The following ERC1 variants were observed in gnomAD, a reference collection of about 807,000 sequenced individuals.
ERC1 encodes RAB6 interacting protein 2.
ERC1 carries 56 observed loss-of-function variants against 132.0 expected under a neutral mutation model. That is an observed-to-expected ratio of 0.42 (90% confidence interval 0.34 to 0.53). The LOEUF is 0.53. Among genes scored for constraint, ERC1 ranks in the 20% least tolerant of loss-of-function variants. The pLI is 0.03. For synonymous variants in ERC1, 478 were observed against 476.1 expected, an observed-to-expected ratio of 1.00 and a Z score of -0.05; for missense variants, 1,202 against 1,349.9, an observed-to-expected ratio of 0.89 and a Z score of 1.72.
At chr12:1,133,644 T>C (rs1948985276) in intron 7 of ERC1, among the ~76,000 whole-genome samples, 1 of 152,226 alleles carries the variant, frequency 6.6e-6, no homozygotes, top group African/African-American at 2.4e-5. Context: ...GGACCTTTTT[T>C]TGTTTGCATG....
chr12:1,321,040 C>T (rs933540022), intron 15 of ERC1, among the ~76,000 whole-genome samples: 1 of 152,186 alleles, frequency 6.6e-6, no homozygotes, highest in African/African-American at 2.4e-5. Context: ...AGATGTAAAA[C>T]AGTATGCTAC....
chr12:1,096,754 G>A (rs1397379706), intron 3 of ERC1, among the ~76,000 whole-genome samples: 2 of 152,154 alleles, frequency 1.3e-5, no homozygotes, highest in Non-Finnish European at 2.9e-5. Context: ...TAAAACAGGT[G>A]TATAGTTAAG....
chr12:1,469,297 G>C (rs529260791), intron 18 of ERC1, among the ~76,000 whole-genome samples: 2 of 152,240 alleles, frequency 1.3e-5, no homozygotes, highest in Non-Finnish European at 2.9e-5. Context: ...CATTGGGATC[G>C]TTGGAAAGTG....
At chr12:1,376,584 G>A (rs1012191628) in intron 16 of ERC1, among the ~76,000 whole-genome samples, 5 of 152,196 alleles carry the variant, frequency 3.3e-5, no homozygotes, top group Non-Finnish European at 7.3e-5. Context: ...ATTTGGGGAA[G>A]CGCTTCAGAC....
At chr12:1,455,082 C>T (rs2093502058) in intron 18 of ERC1, among the ~76,000 whole-genome samples, 1 of 152,144 alleles carries the variant, frequency 6.6e-6, no homozygotes, top group South Asian at 2.1e-4. Flanking sequence ...TTATTAAATT[C>T]AGGAGTTTTT....
intron 17 of ERC1, chr12:1,430,270 C>T (rs972504666): frequency 1.3e-5 from 2 of 152,190 alleles, no homozygotes; most frequent in African/African-American, 2.4e-5. Flanking sequence ...AACATCCCTT[C>T]GGCCACATTC....
chr12:1,417,633 TAG>T (rs2092182326), intron 17 of ERC1, among the ~76,000 whole-genome samples: 1 of 151,978 alleles, frequency 6.6e-6, no homozygotes, highest in Non-Finnish European at 1.5e-5. Context: ...ATATAAAAAT[TAG>T]CTGGGTGTGG....
At chr12:1,205,334 A>G (rs1469772373) in intron 12 of ERC1, among the ~76,000 whole-genome samples, 1 of 151,720 alleles carries the variant, frequency 6.6e-6, no homozygotes, top group Middle Eastern at 3.2e-3. Flanking sequence ...TGTTTTACCT[A>G]GCAGCTGCCT....
At chr12:1,335,931 C>T (rs1420953326) in intron 15 of ERC1, among the ~76,000 whole-genome samples, 2 of 152,006 alleles carry the variant, frequency 1.3e-5, no homozygotes, top group Non-Finnish European at 2.9e-5. Flanking sequence ...GTGGCTTCCT[C>T]AATTTCAGAG....
At chr12:1,346,443 C>T (rs188646990) in intron 15 of ERC1, among the ~76,000 whole-genome samples, 2 of 152,286 alleles carry the variant, frequency 1.3e-5, no homozygotes, top group Admixed American at 1.3e-4. Flanking sequence ...TGAATTGCTT[C>T]TGGGCTTAGA....
intron 2 of ERC1, among the ~76,000 whole-genome samples, chr12:1,072,510 C>T (rs1272219845): frequency 6.6e-6 from 1 of 151,988 alleles, no homozygotes; most frequent in Non-Finnish European, 1.5e-5. Flanking sequence ...TTTACAAACA[C>T]ATGTGCAAAA....
intron 12 of ERC1, among the ~76,000 whole-genome samples, chr12:1,200,102 T>A (rs1009634504): frequency 1.3e-5 from 2 of 152,142 alleles, no homozygotes; most frequent in African/African-American, 4.8e-5. Flanking sequence ...TTTGAGTTTT[T>A]AAATTTTCTT....
intron 8 of ERC1, among the ~76,000 whole-genome samples, chr12:1,169,628 G>A (rs113174885): frequency 7.6e-4 from 115 of 152,276 alleles, no homozygotes; most frequent in African/African-American, 2.6e-3. Flanking sequence ...TAGGATATGA[G>A]TGCAAGTCAG....
At chr12:1,097,291 G>A (rs1440002952) in intron 3 of ERC1, among the ~76,000 whole-genome samples, 2 of 152,114 alleles carry the variant, frequency 1.3e-5, no homozygotes, top group East Asian at 3.8e-4. Context: ...TCTGGATTTT[G>A]GTACCTTCCT....
At chr12:1,080,374 A>C (rs1256587123) in intron 2 of ERC1, among the ~76,000 whole-genome samples, 1 of 152,090 alleles carries the variant, frequency 6.6e-6, no homozygotes, top group Non-Finnish European at 1.5e-5. Context: ...GGATACATAT[A>C]GTGTTTGTCT....
intron 1 of ERC1, among the ~76,000 whole-genome samples, chr12:997,045 A>G (rs568791054): frequency 6.4e-4 from 97 of 152,328 alleles, no homozygotes; most frequent in Non-Finnish European, 1.2e-3. Flanking sequence ...CAGCCTCCAG[A>G]GTAGCTGGGA....
rs78177900 is a variant in ERC1 at position 1,127,975 on chromosome 12, A to G, written c.1569+11942A>G. 7.3e-3 allele frequency among the ~76,000 whole-genome samples: 1,113 copies of G among 152,288 alleles called. 18 individuals carry two copies. The highest frequency in any genetic ancestry group is 0.023 in the African/African-American group (959 of 41,542). The stretch of plus-strand genomic sequence containing the variant: ...AAAAAAATTCCTCCTACCAGTATTA[A>G]TGGCAATATGAGAGACTGACTTATT... On this transcript the variant is annotated intron_variant, in intron 7 of 18. Coordinates refer to ENST00000360905, the MANE Select transcript of ERC1 (RefSeq NM_178040.4).
intron 8 of ERC1, among the ~76,000 whole-genome samples, chr12:1,161,226 C>CA (rs1285794818): frequency 2.0e-5 from 3 of 151,432 alleles, no homozygotes; most frequent in Non-Finnish European, 2.9e-5. Context: ...TACGGTGGGG[C>CA]AAAAAAACGA....
intron 8 of ERC1, among the ~76,000 whole-genome samples, chr12:1,156,231 TTTTATTTTA>T (rs1423163507): frequency 6.6e-6 from 1 of 152,024 alleles, no homozygotes; most frequent in African/African-American, 2.4e-5. Context: ...GTTTTTCTTA[TTTTATTTTA>T]TTTATTTTAT....
Sources: gnomAD v4.1 joint callset for allele counts (sites outside exome capture counted in the v4.1 genomes callset) on GRCh38, gnomAD v4.1.1 for gene constraint, MANE v1.5 for transcripts, NCBI Gene and HGNC (gene_info 2026-07-23, HGNC 2026-07-21) for gene names.